DEPDC5: variants seen among roughly 807,000 people sequenced by gnomAD.
DEPDC5 encodes GATOR1 complex protein DEPDC5.
Under a neutral mutation model 217.3 loss-of-function variants are expected in DEPDC5, and 73 were observed. The observed-to-expected ratio is 0.34, with a 90% CI of 0.28 to 0.41. DEPDC5 has a LOEUF of 0.41. Ranked by LOEUF, DEPDC5 falls within the 10% of genes least tolerant of loss-of-function variation. DEPDC5 has a pLI of 1.00. For synonymous variants in DEPDC5, 733 were observed against 756.7 expected, an observed-to-expected ratio of 0.97 and a Z score of 0.51; for missense variants, 1,675 against 2,070.1, an observed-to-expected ratio of 0.81 and a Z score of 3.70.
chr22:31,773,841 G>A (rs1240664091), intron 7 of DEPDC5, among the ~76,000 whole-genome samples: 2 of 152,198 alleles, frequency 1.3e-5, no homozygotes, highest in African/African-American at 4.8e-5. Context: ...GGAGGCCAAG[G>A]TGGGTGGATT....
At chr22:31,878,252 A>G (rs1340391527) in intron 37 of DEPDC5, among the ~76,000 whole-genome samples, 1 of 151,988 alleles carries the variant, frequency 6.6e-6, no homozygotes, top group African/African-American at 2.4e-5. Context: ...TCTCTTGTCC[A>G]AGAATATGGC....
chr22:31,874,276 A>G lies in DEPDC5; in HGVS notation c.3567A>G (p.Thr1189=), dbSNP rs142197878. ...CGTTCACCGTGTTGGAACCCAGGAC[A>G]GGAGTCCAGCTGCTCTCTGAACAGA... ...EILEAMKHPS[T]GVQLLSEQKG... The change falls in exon 36 of 43, where the codon ACA becomes ACG. Residue 1189 remains threonine (T), a synonymous_variant. Coordinates refer to ENST00000651528, the MANE Select transcript of DEPDC5 (RefSeq NM_001242896.3). 1.1e-3 allele frequency: 1,843 copies of G among 1,606,862 alleles called. 2 individuals are homozygous for G. Among genetic ancestry groups the G allele is most frequent in the Non-Finnish European group, 1.4e-3 (1,685 of 1,176,436 alleles).
intron 5 of DEPDC5, 146 bp downstream of exon 5, chr22:31,765,206 A>G (rs1176918142): frequency 1.5e-6 from 1 of 665,528 alleles, no homozygotes; most frequent in South Asian, 1.8e-5. Context: ...TCAGTACATC[A>G]GGAGGCTGAG....
intron 33 of DEPDC5, among the ~76,000 whole-genome samples, chr22:31,866,180 G>T (rs1314259472): frequency 1.3e-5 from 2 of 152,146 alleles, no homozygotes; most frequent in Non-Finnish European, 2.9e-5. Flanking sequence ...ACTTTCTCCT[G>T]TAGCTTGGGA....
chr22:31,763,191 A>C (rs1468897746), intron 4 of DEPDC5, among the ~76,000 whole-genome samples: 2 of 151,958 alleles, frequency 1.3e-5, no homozygotes, highest in Non-Finnish European at 2.9e-5. Context: ...GGGTTTCACT[A>C]TGTTGTCCAG....
intron 4 of DEPDC5, among the ~76,000 whole-genome samples, chr22:31,761,279 C>A (rs527256843): frequency 2.1e-4 from 32 of 152,288 alleles, no homozygotes; most frequent in Non-Finnish European, 4.0e-4. Context: ...CCACACCCAG[C>A]CTGAACATTG....
intron 22 of DEPDC5, 126 bp downstream of exon 22, chr22:31,819,351 C>T: frequency 1.0e-6 from 1 of 964,214 alleles, no homozygotes; most frequent in Non-Finnish European, 1.5e-6. Flanking sequence ...GATAACCATG[C>T]CCACTTTGGC....
intron 24 of DEPDC5, among the ~76,000 whole-genome samples, chr22:31,833,039 T>C (rs2090719262): frequency 6.6e-6 from 1 of 152,208 alleles, no homozygotes; most frequent in South Asian, 2.1e-4. Context: ...TGAGCATCTT[T>C]CCAGTCCTTT....
At position 31,792,638 on chromosome 22, in the gene DEPDC5, T is replaced by C. The variant is rs1312188588; in HGVS notation, c.695-107T>C. 4.0e-5 allele frequency: 21 copies of C among 528,032 alleles called. No individual in the cohort carries two copies. The African/African-American group carries it at 4.2e-4, about 10-fold the overall frequency. 32.7% of individuals were successfully genotyped at this position (528,032 alleles called of 1,614,324 possible). On this transcript the variant is annotated intron_variant, in intron 11 of 42. Transcript: ENST00000651528. The stretch of plus-strand genomic sequence containing the variant: ...AAAAAAAAAAAAAAAAAAAAGACAG[T>C]TATCTTTATTTTTTTGTGATGCAAA...
In DEPDC5 at chr22:31,837,280, AGAG is replaced by A. The variant is rs140455007; in HGVS notation, c.2354+129_2354+131del. 17,901 of 927,602 alleles carry A rather than the reference AGAG, an allele frequency of 0.019. 228 individuals are homozygous for A. Among genetic ancestry groups the A allele is most frequent in the African/African-American group, 0.041 (2,410 of 59,102 alleles). 57.5% of individuals were successfully genotyped at this position (927,602 alleles called of 1,614,324 possible). ...ACATATATTAAAATTGGAACGATAT[AGAG>A]GAGATTAGCATGGCCGTTAAATAAA... On this transcript the variant is annotated intron_variant, in intron 26 of 42. Transcript: ENST00000651528.
intron 17 of DEPDC5, among the ~76,000 whole-genome samples, chr22:31,805,837 C>T (rs985190127): frequency 1.3e-5 from 2 of 152,124 alleles, no homozygotes; most frequent in African/African-American, 4.8e-5. Context: ...GTGGCTCATG[C>T]CTGTAATCCC....
chr22:31,887,140 C>CG (rs932524455), intron 38 of DEPDC5, among the ~76,000 whole-genome samples: 1 of 150,934 alleles, frequency 6.6e-6, no homozygotes, highest in African/African-American at 2.4e-5. Flanking sequence ...AGTCATAGGC[C>CG]GGGCATGTTG....
At chr22:31,855,273 T>C (rs2092236069) in intron 31 of DEPDC5, among the ~76,000 whole-genome samples, 2 of 152,048 alleles carry the variant, frequency 1.3e-5, no homozygotes, top group Non-Finnish European at 2.9e-5. Flanking sequence ...AAAAAAATTT[T>C]TTTGAGACAA....
At position 31,870,718 on chromosome 22, in the gene DEPDC5, C is replaced by T. The variant is rs939428516; in HGVS notation, c.3459C>T (p.Tyr1153=). 1.2e-5 allele frequency: 19 copies of T among 1,586,044 alleles called. No homozygotes were observed. The highest frequency in any genetic ancestry group is 1.8e-5 in the Admixed American group (1 of 54,500). Residue 1153 remains tyrosine (Y), a synonymous_variant, in exon 34 of 43, where the codon TAC becomes TAT. Transcript: ENST00000651528. ...CCCAGAACATAGGAGAACAGGGCTA[C>T]TCCTCCACAAACTCCAGTGACAGCA... The part of the protein sequence containing the change: ...GNSQNIGEQG[Y]SSTNSSDSSS...
At chr22:31,822,886 T>C in intron 24 of DEPDC5, 96 bp downstream of exon 24, 1 of 1,272,820 alleles carries the variant, frequency 7.9e-7, no homozygotes. Flanking sequence ...ATGTCTATTT[T>C]GAGATCATTT....
chr22:31,802,740 G>A lies in DEPDC5; in HGVS notation c.983G>A (p.Arg328Gln), dbSNP rs775605247. ...CACTACATCAACCGCAACTTTGACC[G>A]AACTGGGCAGATGTCAGTGGTGATC... Reference protein sequence around the residue: ...DKHYINRNFDRTGQMSVVITP... With the variant: ...DKHYINRNFDQTGQMSVVITP... Residue 328 changes from arginine (R) to glutamine (Q), a missense_variant, in exon 15 of 43, where the codon CGA (arginine) becomes CAA (glutamine). Arg to Gln is a conservative substitution (Grantham distance 43). Transcript: ENST00000651528. 5.0e-6 allele frequency: 8 copies of A among 1,596,990 alleles called. No homozygotes were observed. The highest frequency in any genetic ancestry group is 4.0e-5 in the African/African-American group (3 of 74,216).
intron 8 of DEPDC5, among the ~76,000 whole-genome samples, chr22:31,780,288 T>G (rs192459095): frequency 5.3e-5 from 8 of 152,144 alleles, no homozygotes; most frequent in African/African-American, 1.9e-4. Flanking sequence ...ATAGATTGGA[T>G]GTGAGGAGTG....
chr22:31,834,930 G>A (rs7290856), intron 25 of DEPDC5, among the ~76,000 whole-genome samples: 52,750 of 152,054 alleles, frequency 0.35, 10,411 homozygotes, highest in African/African-American at 0.54. Context: ...GGTTTGAGTA[G>A]TCATTTCTTA....
chr22:31,757,622 G>A (rs575571168), intron 2 of DEPDC5: 1 of 152,282 alleles, frequency 6.6e-6, no homozygotes, highest in East Asian at 1.9e-4. Context: ...CATAATTAAA[G>A]GTGATGTCTT....
Sources: gnomAD v4.1 joint callset for allele counts (sites outside exome capture counted in the v4.1 genomes callset) on GRCh38, gnomAD v4.1.1 for gene constraint, MANE v1.5 for transcripts, NCBI Gene and HGNC (gene_info 2026-07-23, HGNC 2026-07-21) for gene names.